PRKCB: variants seen among roughly 807,000 people sequenced by gnomAD.
The protein encoded by PRKCB is protein kinase C beta.
In PRKCB, 13 loss-of-function variants were observed where a neutral mutation model predicts 81.5. The ratio of observed to expected loss-of-function variants is 0.16; its 90% CI spans 0.10 to 0.25. PRKCB has a LOEUF of 0.25. Ranked by LOEUF, PRKCB falls within the 10% of genes least tolerant of loss-of-function variation. PRKCB has a pLI of 1.00. For synonymous variants in PRKCB, 335 were observed against 321.4 expected, an observed-to-expected ratio of 1.04 and a Z score of -0.45; for missense variants, 509 against 875.7, an observed-to-expected ratio of 0.58 and a Z score of 5.29.
intron 2 of PRKCB, among the ~76,000 whole-genome samples, chr16:23,847,457 C>T: frequency 6.7e-6 from 1 of 149,022 alleles, no homozygotes; most frequent in Non-Finnish European, 1.5e-5. Context: ...TCCATCCATC[C>T]ATCCATCCAT....
At chr16:24,163,656 G>C (rs755559955) in intron 10 of PRKCB, among the ~76,000 whole-genome samples, 4 of 152,256 alleles carry the variant, frequency 2.6e-5, no homozygotes, top group Non-Finnish European at 5.9e-5. Flanking sequence ...TTCTAACAGT[G>C]ATTGCAAGGC....
Position 23,882,021 on chromosome 16 carries a change from T to TCTTTCTTTCTTTCTTCCTTCCTTC in PRKCB, c.205+44618_205+44619insTCTTTCTTTCTTCCTTCCTTCCTT. On this transcript the variant is annotated intron_variant, in intron 2 of 16. Coordinates refer to ENST00000643927, the MANE Select transcript of PRKCB (RefSeq NM_002738.7). ...TTCTTTCTTTCTTTCTTTCTTTCTT[T>TCTTTCTTTCTTTCTTCCTTCCTTC]CTTCCTTCCTTCCTTCCTTCCTTCC... 4.7e-4 allele frequency among the ~76,000 whole-genome samples: 26 copies of TCTTTCTTTCTTTCTTCCTTCCTTC among 55,636 alleles called. 1 individual carries two copies. The highest frequency in any genetic ancestry group is 1.5e-3 in the African/African-American group (25 of 16,912). 36.5% of individuals were successfully genotyped at this position (55,636 alleles called of 152,430 possible).
At chr16:24,126,322 T>G (rs1432217929) in intron 9 of PRKCB, among the ~76,000 whole-genome samples, 1 of 152,176 alleles carries the variant, frequency 6.6e-6, no homozygotes, top group African/African-American at 2.4e-5. Context: ...GTTTCTCTGA[T>G]GATGAGGAAG....
At chr16:24,147,035 G>A (rs984961243) in intron 9 of PRKCB, among the ~76,000 whole-genome samples, 5 of 152,056 alleles carry the variant, frequency 3.3e-5, no homozygotes, top group Admixed American at 6.6e-5. Flanking sequence ...ATGGCCGGGC[G>A]CGGTGGCTCA....
At chr16:23,939,911 G>A (rs1964116665) in intron 2 of PRKCB, among the ~76,000 whole-genome samples, 1 of 152,080 alleles carries the variant, frequency 6.6e-6, no homozygotes, top group South Asian at 2.1e-4. Flanking sequence ...GAATGAAAAG[G>A]CAAACTACAA....
At chr16:24,155,350 A>G (rs1386478758) in intron 10 of PRKCB, among the ~76,000 whole-genome samples, 2 of 152,348 alleles carry the variant, frequency 1.3e-5, no homozygotes, top group Non-Finnish European at 2.9e-5. Flanking sequence ...TAGTGAGTTC[A>G]GAGCCATGGC....
chr16:23,878,843 T>C (rs1963058947), intron 2 of PRKCB, among the ~76,000 whole-genome samples: 2 of 151,884 alleles, frequency 1.3e-5, no homozygotes, highest in Admixed American at 6.6e-5. Flanking sequence ...AGAGGAGGCT[T>C]TGTCATTCTG....
intron 9 of PRKCB, among the ~76,000 whole-genome samples, chr16:24,129,320 T>A (rs1222151166): frequency 6.6e-6 from 1 of 152,084 alleles, no homozygotes; most frequent in Non-Finnish European, 1.5e-5. Flanking sequence ...AGAAAGGAGC[T>A]GGGGGAGGCA....
chr16:24,185,650 G>A (rs3729903), intron 15 of PRKCB, 83 bp downstream of exon 15: 11 of 1,151,842 alleles, frequency 9.5e-6, no homozygotes, highest in Non-Finnish European at 1.4e-5. Context: ...ACCCCACCAG[G>A]GGGGAACACA....
At chr16:24,018,309 C>A (rs1295042524) in intron 3 of PRKCB, among the ~76,000 whole-genome samples, 1 of 152,158 alleles carries the variant, frequency 6.6e-6, no homozygotes, top group Non-Finnish European at 1.5e-5. Flanking sequence ...CCATGGCCTC[C>A]CAAAGTGCTG....
chr16:24,147,802 A>G (rs1261074687), intron 9 of PRKCB, among the ~76,000 whole-genome samples: 1 of 152,168 alleles, frequency 6.6e-6, no homozygotes, highest in Non-Finnish European at 1.5e-5. Flanking sequence ...TCATCTGTAA[A>G]ATAGGGATAG....
At chr16:24,154,960 C>A in intron 10 of PRKCB, 103 bp downstream of exon 10, 1 of 1,315,534 alleles carries the variant, frequency 7.6e-7, no homozygotes, top group Non-Finnish European at 1.0e-6. Flanking sequence ...TGCACCCTTC[C>A]CTTTCTAGAC....
intron 7 of PRKCB, among the ~76,000 whole-genome samples, chr16:24,102,427 A>G (rs186219979): frequency 3.9e-5 from 6 of 152,340 alleles, no homozygotes; most frequent in African/African-American, 1.4e-4. Context: ...TTCTTTGAAC[A>G]TTATGTGATC....
chr16:23,855,532 GC>G (rs1962550321), intron 2 of PRKCB, among the ~76,000 whole-genome samples: 1 of 152,128 alleles, frequency 6.6e-6, no homozygotes, highest in South Asian at 2.1e-4. Flanking sequence ...TCTTAAATGT[GC>G]CCTTGTAAAA....
intron 2 of PRKCB, among the ~76,000 whole-genome samples, chr16:23,901,536 G>A (rs528653216): frequency 5.3e-5 from 8 of 152,280 alleles, no homozygotes; most frequent in East Asian, 3.9e-4. Flanking sequence ...GGAGGAAGCC[G>A]TGGGAGAAAT....
chr16:23,918,407 T>A (rs59268098), intron 2 of PRKCB, among the ~76,000 whole-genome samples: 138,586 of 148,360 alleles, frequency 0.93, 64,842 homozygotes, highest in East Asian at 1. Flanking sequence ...TATTATTTTT[T>A]TTTTTTTGAA....
rs1453642712 is a variant in PRKCB, at chr16:24,028,543, C to T, written c.289-3593C>T. Among the ~76,000 whole-genome samples the T allele has an allele frequency of 2.0e-5, 3 of 152,242 alleles. No homozygotes were observed. In the East Asian group the frequency reaches 5.8e-4, roughly 29 times the overall value. ...TTTAACCACTGATGTTTTCTGTCCCCATAGTTTTGTGTTTTTCAGAACATT... is the reference window on the plus strand; with the variant it reads ...TTTAACCACTGATGTTTTCTGTCCCTATAGTTTTGTGTTTTTCAGAACATT... On this transcript the variant is annotated intron_variant, in intron 3 of 16. Transcript: ENST00000643927.
intron 5 of PRKCB, among the ~76,000 whole-genome samples, chr16:24,047,094 T>G (rs904493982): frequency 2.6e-5 from 4 of 152,006 alleles, no homozygotes; most frequent in Non-Finnish European, 5.9e-5. Context: ...ATCCCAGCAC[T>G]TGGGGAGTCT....
intron 13 of PRKCB, among the ~76,000 whole-genome samples, chr16:24,184,772 C>T (rs528155118): frequency 1.3e-5 from 2 of 152,282 alleles, no homozygotes; most frequent in African/African-American, 4.8e-5. Flanking sequence ...TCTAAGTATA[C>T]AATTTAGTAG....
Sources: allele counts gnomAD v4.1 joint callset (sites outside exome capture counted in the v4.1 genomes callset), GRCh38; gene constraint gnomAD v4.1.1; transcripts MANE v1.5; gene names NCBI Gene and HGNC (gene_info 2026-07-23, HGNC 2026-07-21).